The following AKAP13 variants were observed in gnomAD, a reference collection of about 807,000 sequenced individuals.
The protein encoded by AKAP13 is A-kinase anchoring protein 13.
AKAP13 carries 80 observed loss-of-function variants against 264.5 expected under a neutral mutation model. The ratio of observed to expected loss-of-function variants is 0.30; its 90% CI spans 0.25 to 0.36. The LOEUF is 0.36. AKAP13 is among the 10% of genes least tolerant of loss of function. The probability of loss-of-function intolerance (pLI) is 1.00; values close to 1 mark genes in which losing one functional copy is unlikely to be tolerated. For synonymous variants in AKAP13, 1,380 were observed against 1,250.2 expected, an observed-to-expected ratio of 1.10 and a Z score of -2.19; for missense variants, 3,712 against 3,435.2, an observed-to-expected ratio of 1.08 and a Z score of -2.01.
Position 85,581,949 on chromosome 15 carries a change from G to A in AKAP13, c.3881G>A (p.Ser1294Asn), listed in dbSNP as rs201900357. The change falls in exon 7 of 37, where the codon AGT becomes AAT. Residue 1294 changes from serine to asparagine, a missense_variant. Around this residue, in one of 3 missense-constraint regions of AKAP13, gnomAD observed 2,759 missense variants for 2,411.7 expected, o/e 1.14. Transcript: ENST00000394518. ...GGTCCTCTCACTAAAGGACTAGAGA[G>A]TGCTTTTACAGAAAAAGTGAGTACT... ...ELGPLTKGLE[S>N]AFTEKVSTFP... 1.7e-4 allele frequency: 268 copies of A among 1,614,074 alleles called. No homozygotes were observed. Among genetic ancestry groups the A allele is most frequent in the Non-Finnish European group, 2.2e-4 (261 of 1,180,046 alleles).
chr15:85,436,047 T>C (rs1462086996), intron 1 of AKAP13, among the ~76,000 whole-genome samples: 2 of 144,794 alleles, frequency 1.4e-5, no homozygotes, highest in African/African-American at 2.6e-5. Flanking sequence ...TCAAGACCCA[T>C]CAGTGTGCTG....
At chr15:85,458,720 T>C (rs1408254103) in intron 1 of AKAP13, among the ~76,000 whole-genome samples, 4 of 152,240 alleles carry the variant, frequency 2.6e-5, no homozygotes, top group Non-Finnish European at 5.9e-5. Flanking sequence ...GAAAACTTTA[T>C]TTTAAGCATC....
intron 1 of AKAP13, among the ~76,000 whole-genome samples, chr15:85,403,623 C>G (rs2071526765): frequency 6.6e-6 from 1 of 152,022 alleles, no homozygotes; most frequent in African/African-American, 2.4e-5. Flanking sequence ...GGTGGATCAC[C>G]TGAGGTCAGG....
intron 6 of AKAP13, among the ~76,000 whole-genome samples, chr15:85,577,001 T>G (rs2079036610): frequency 1.3e-5 from 2 of 152,232 alleles, no homozygotes; most frequent in African/African-American, 4.8e-5. Flanking sequence ...TTTATTAAAT[T>G]TAATGACTTC....
At chr15:85,554,912 G>T (rs186561259) in intron 5 of AKAP13, among the ~76,000 whole-genome samples, 158 of 152,136 alleles carry the variant, frequency 1.0e-3, no homozygotes, top group African/African-American at 3.6e-3. Flanking sequence ...TTGTTTAAAA[G>T]CACAAAATTT....
intron 17 of AKAP13, chr15:85,702,131 A>C (rs1023947346): frequency 6.6e-6 from 1 of 152,276 alleles, no homozygotes; most frequent in Middle Eastern, 3.4e-3. Context: ...TGTAATCCCC[A>C]GCTACTTGGG....
chr15:85,543,894 G>A lies in AKAP13; in HGVS notation c.601G>A (p.Ala201Thr). The change falls in exon 5 of 37, where the codon GCG becomes ACG. Residue 201 changes from alanine (A) to threonine (T), a missense_variant. Transcript: ENST00000394518. ...TCTCAGTATCCACAACCAGGAAGGG[G>A]CGACGCCTGTGAGCTTGGCCTTGGA... ...GALSIHNQEG[A>T]TPVSLALERG... 6.2e-7 allele frequency: 1 copy of A among 1,614,100 alleles called. No homozygotes were observed. Among genetic ancestry groups the A allele is most frequent in the Non-Finnish European group, 8.5e-7 (1 of 1,180,008 alleles).
chr15:85,639,532 A>C, intron 9 of AKAP13, 83 bp downstream of exon 9: 1 of 999,954 alleles, frequency 1.0e-6, no homozygotes, highest in Non-Finnish European at 1.6e-6. Context: ...GCCCTTCCTT[A>C]GCATGTTATA....
chr15:85,463,787 G>A (rs973730848), intron 1 of AKAP13, among the ~76,000 whole-genome samples: 5 of 152,004 alleles, frequency 3.3e-5, no homozygotes, highest in Non-Finnish European at 5.9e-5. Context: ...CTACTGGGGA[G>A]GCTTTTGTTG....
intron 1 of AKAP13, among the ~76,000 whole-genome samples, chr15:85,386,865 T>A (rs185489294): frequency 9.8e-4 from 149 of 152,298 alleles, no homozygotes; most frequent in Non-Finnish European, 1.9e-3. Context: ...CACCTCACTG[T>A]TGATTACTGT....
At chr15:85,438,977 TTAAAC>T (rs2073477106) in intron 1 of AKAP13, among the ~76,000 whole-genome samples, 1 of 144,270 alleles carries the variant, frequency 6.9e-6, no homozygotes, top group Non-Finnish European at 1.5e-5. Context: ...TGGGATCTAA[TTAAAC>T]TAAAGAGCTT....
chr15:85,424,021 G>A (rs1030479779), intron 1 of AKAP13, among the ~76,000 whole-genome samples: 1 of 152,186 alleles, frequency 6.6e-6, no homozygotes, highest in Non-Finnish European at 1.5e-5. Flanking sequence ...CAGATGTTCT[G>A]TCCAGGCTTT....
chr15:85,458,388 T>TTTTG (rs1429651570), intron 1 of AKAP13, among the ~76,000 whole-genome samples: 3 of 125,802 alleles, frequency 2.4e-5, no homozygotes, highest in South Asian at 2.5e-4. Flanking sequence ...TATTTTTTGT[T>TTTTG]TTTTGTTTTT....
chr15:85,630,580 G>C (rs1356349479), intron 8 of AKAP13, among the ~76,000 whole-genome samples: 1 of 152,176 alleles, frequency 6.6e-6, no homozygotes. Flanking sequence ...GGTTGGTACA[G>C]TGTTTATTAT....
intron 1 of AKAP13, among the ~76,000 whole-genome samples, chr15:85,397,413 G>A (rs1302589893): frequency 6.6e-6 from 1 of 152,130 alleles, no homozygotes; most frequent in African/African-American, 2.4e-5. Flanking sequence ...TAAATGGAGA[G>A]TTTTCTTTCC....
At chr15:85,381,521 C>CTTTTTTTTT (rs1168869870) in intron 1 of AKAP13, among the ~76,000 whole-genome samples, 16 of 64,290 alleles carry the variant, frequency 2.5e-4, no homozygotes, top group Non-Finnish European at 3.4e-4. Context: ...CGGTTTACTG[C>CTTTTTTTTT]TTTTTTTTTT....
intron 9 of AKAP13, among the ~76,000 whole-genome samples, chr15:85,644,334 G>T (rs550240509): frequency 4.3e-4 from 65 of 151,574 alleles, no homozygotes; most frequent in Non-Finnish European, 4.7e-4. Context: ...TCCGCTTCCC[G>T]GGTTCAAGCG....
intron 14 of AKAP13, among the ~76,000 whole-genome samples, chr15:85,679,390 G>T (rs1016847733): frequency 6.6e-6 from 1 of 152,186 alleles, no homozygotes; most frequent in Non-Finnish European, 1.5e-5. Flanking sequence ...TTCTCAAAAT[G>T]TGTTCCTTAA....
chr15:85,519,114 A>G (rs971918071), intron 2 of AKAP13, among the ~76,000 whole-genome samples: 1 of 152,052 alleles, frequency 6.6e-6, no homozygotes, highest in Non-Finnish European at 1.5e-5. Flanking sequence ...TTTTCCTGTA[A>G]AAGTCCAGAT....
Sources: allele counts gnomAD v4.1 joint callset (sites outside exome capture counted in the v4.1 genomes callset), GRCh38; gene constraint gnomAD v4.1.1; regional missense constraint gnomAD v4.1.1; transcripts MANE v1.5; gene names NCBI Gene and HGNC (gene_info 2026-07-23, HGNC 2026-07-21).